Variants in BBX observed in about 807,000 individuals in gnomAD.
The protein encoded by BBX is BBX high mobility group box domain containing.
BBX carries 30 observed loss-of-function variants against 100.2 expected under a neutral mutation model. The ratio of observed to expected loss-of-function variants is 0.30; its 90% CI spans 0.22 to 0.41. The LOEUF (loss-of-function observed/expected upper bound fraction) is 0.41, where lower values mean the gene tolerates loss of function less well. Among genes scored for constraint, BBX ranks in the 10% least tolerant of loss-of-function variants. BBX has a pLI of 1.00. For missense variants in BBX, 1,023 were observed against 1,129.8 expected, an observed-to-expected ratio of 0.91 and a Z score of 1.35; for synonymous variants, 376 against 388.1, an observed-to-expected ratio of 0.97 and a Z score of 0.37.
At chr3:107,724,885 A>G (rs561067803) in intron 5 of BBX, among the ~76,000 whole-genome samples, 6 of 152,182 alleles carry the variant, frequency 3.9e-5, no homozygotes, top group Non-Finnish European at 8.8e-5. Context: ...TGACTTGGCA[A>G]TGCGGGTTCC....
At chr3:107,614,677 A>G (rs1033478451) in intron 2 of BBX, among the ~76,000 whole-genome samples, 9 of 152,178 alleles carry the variant, frequency 5.9e-5, no homozygotes, top group African/African-American at 9.7e-5. Context: ...ACTTAATACA[A>G]TGTAAATGCC....
At chr3:107,617,840 G>A (rs954220532) in intron 2 of BBX, among the ~76,000 whole-genome samples, 9 of 151,690 alleles carry the variant, frequency 5.9e-5, no homozygotes, top group African/African-American at 2.2e-4. Flanking sequence ...TGTAAATAGG[G>A]ATCGTTTTGT....
chr3:107,564,038 A>G (rs187357637), intron 2 of BBX, among the ~76,000 whole-genome samples: 94 of 151,104 alleles, frequency 6.2e-4, no homozygotes, highest in African/African-American at 2.3e-3. Flanking sequence ...ATTTTCCTAT[A>G]CCTTTGAAAA....
rs2060102304 is a variant in BBX at position 107,690,668 on chromosome 3, A to G, written c.-9-19784A>G. Among the ~76,000 whole-genome samples the G allele has an allele frequency of 3.3e-5, 5 of 151,934 alleles. No homozygotes were observed. In the South Asian group the frequency reaches 1.0e-3, roughly 32 times the overall value. ...TTTGGTATTATAAAGCATTACCTTT[A>G]TATTTAAATAGGATGCTAGAAAATA... is the stretch of plus-strand genomic sequence containing the variant. On this transcript the variant is annotated intron_variant, in intron 3 of 17. Transcript: ENST00000325805.
chr3:107,753,703 A>G (rs1192047114), intron 9 of BBX, among the ~76,000 whole-genome samples: 1 of 152,202 alleles, frequency 6.6e-6, no homozygotes, highest in Non-Finnish European at 1.5e-5. Flanking sequence ...AAGCAACAGC[A>G]GAGGGAGCCA....
intron 2 of BBX, among the ~76,000 whole-genome samples, chr3:107,560,121 G>A (rs747103): frequency 0.11 from 16,017 of 151,600 alleles, 1,112 homozygotes; most frequent in African/African-American, 0.2. Flanking sequence ...AATGAATACC[G>A]AAGTTAGATT....
intron 2 of BBX, among the ~76,000 whole-genome samples, chr3:107,622,018 G>A (rs773722017): frequency 7.9e-5 from 12 of 152,020 alleles, no homozygotes; most frequent in Non-Finnish European, 1.3e-4. Context: ...TATAGATTTC[G>A]TGTACAGTTC....
At chr3:107,525,148 G>T (rs1471692639) in intron 1 of BBX, among the ~76,000 whole-genome samples, 3 of 148,476 alleles carry the variant, frequency 2.0e-5, no homozygotes, top group African/African-American at 7.3e-5. Flanking sequence ...GGGCGCCGGG[G>T]GTCCCCGGCG....
At chr3:107,772,046 G>A (rs1050396772) in intron 10 of BBX, among the ~76,000 whole-genome samples, 4 of 151,972 alleles carry the variant, frequency 2.6e-5, no homozygotes, top group Non-Finnish European at 5.9e-5. Context: ...CTGATTTTTG[G>A]TTTAAGAATT....
At chr3:107,542,160 A>C (rs1263198008) in intron 2 of BBX, among the ~76,000 whole-genome samples, 1 of 152,194 alleles carries the variant, frequency 6.6e-6, no homozygotes, top group Non-Finnish European at 1.5e-5. Context: ...TTTATTTGTT[A>C]GGACTTTATC....
At position 107,573,149 on chromosome 3, in the gene BBX, A is replaced by G. The variant is rs538426791; in HGVS notation, c.-84+46751A>G. Reference sequence around the variant, plus strand: ...TAGAATAAATCTAAACAACAATTAAAAAGAATCAAACAAGCTATGTCTAAT... The same window carrying G: ...TAGAATAAATCTAAACAACAATTAAGAAGAATCAAACAAGCTATGTCTAAT... On this transcript the variant is annotated intron_variant, in intron 2 of 17. Transcript: ENST00000325805. Among the ~76,000 whole-genome samples the G allele has an allele frequency of 4.6e-5, 7 of 152,384 alleles. No individual in the cohort carries two copies. The East Asian group carries it at 9.6e-4, about 21-fold the overall frequency.
intron 3 of BBX, among the ~76,000 whole-genome samples, chr3:107,663,909 CA>C (rs2058601008): frequency 6.6e-6 from 1 of 151,642 alleles, no homozygotes; most frequent in African/African-American, 2.4e-5. Context: ...GGGTTCACGC[CA>C]TCCTCCTGCC....
At chr3:107,788,557 C>A (rs533603472) in intron 13 of BBX, among the ~76,000 whole-genome samples, 1 of 151,458 alleles carries the variant, frequency 6.6e-6, no homozygotes, top group Non-Finnish European at 1.5e-5. Context: ...CCAAGGTGGG[C>A]GGATTGCTTG....
chr3:107,787,570 C>T (rs751785652), intron 13 of BBX, among the ~76,000 whole-genome samples: 6 of 151,956 alleles, frequency 3.9e-5, no homozygotes, highest in African/African-American at 1.2e-4. Flanking sequence ...AAATTGGTGC[C>T]GGTTGCAAAT....
intron 3 of BBX, among the ~76,000 whole-genome samples, chr3:107,709,589 T>C (rs907235898): frequency 2.0e-5 from 3 of 152,336 alleles, no homozygotes; most frequent in Middle Eastern, 3.4e-3. Flanking sequence ...ATTTCTATTT[T>C]AACATTACTT....
At chr3:107,630,435 A>G (rs540746518) in intron 2 of BBX, among the ~76,000 whole-genome samples, 2 of 152,186 alleles carry the variant, frequency 1.3e-5, no homozygotes, top group South Asian at 4.2e-4. Flanking sequence ...CTCTGGTATT[A>G]TTTGGTTGCT....
chr3:107,698,078 T>G (rs1315410792), intron 3 of BBX, among the ~76,000 whole-genome samples: 1 of 151,722 alleles, frequency 6.6e-6, no homozygotes, highest in Non-Finnish European at 1.5e-5. Context: ...GCGCACCCAC[T>G]GACCTGCGCC....
chr3:107,628,317 T>C (rs2056331765), intron 2 of BBX, among the ~76,000 whole-genome samples: 1 of 152,032 alleles, frequency 6.6e-6, no homozygotes, highest in Admixed American at 6.6e-5. Flanking sequence ...AGCAGCTGAT[T>C]ATAAATGAAA....
At chr3:107,660,381 C>T (rs1030700311) in intron 3 of BBX, among the ~76,000 whole-genome samples, 1 of 151,648 alleles carries the variant, frequency 6.6e-6, no homozygotes, top group Non-Finnish European at 1.5e-5. Flanking sequence ...TAGTCTCTTT[C>T]CTGCATTGTG....
Sources: allele counts gnomAD v4.1 joint callset (sites outside exome capture counted in the v4.1 genomes callset), GRCh38; gene constraint gnomAD v4.1.1; transcripts MANE v1.5; gene names NCBI Gene and HGNC (gene_info 2026-07-23, HGNC 2026-07-21).